TAX1BP1: variants seen among roughly 807,000 people sequenced by gnomAD.
TAX1BP1 encodes the protein tax1-binding protein 1.
Under a neutral mutation model 97.7 loss-of-function variants are expected in TAX1BP1, and 62 were observed. That is an observed-to-expected ratio of 0.63 (90% CI 0.52 to 0.78). TAX1BP1 has a LOEUF of 0.78. Among genes scored for constraint, TAX1BP1 ranks in the 30% least tolerant of loss-of-function variants. The pLI is 0.00. For missense variants in TAX1BP1, 867 were observed against 916.1 expected, an observed-to-expected ratio of 0.95 and a Z score of 0.69; for synonymous variants, 340 against 304.2, an observed-to-expected ratio of 1.12 and a Z score of -1.23.
intron 13 of TAX1BP1, among the ~76,000 whole-genome samples, chr7:27,813,556 G>GT (rs1790643655): frequency 6.6e-6 from 1 of 152,030 alleles, no homozygotes; most frequent in Non-Finnish European, 1.5e-5. Context: ...GGTTTGCCAT[G>GT]TTGCCCAGGC....
intron 4 of TAX1BP1, among the ~76,000 whole-genome samples, chr7:27,767,633 A>C (rs1788691736): frequency 6.6e-6 from 1 of 152,118 alleles, no homozygotes; most frequent in Non-Finnish European, 1.5e-5. Flanking sequence ...GATCTTAAGA[A>C]TGCAGTCAGT....
chr7:27,817,139 T>C, intron 15 of TAX1BP1, 101 bp downstream of exon 15: 1 of 1,360,928 alleles, frequency 7.3e-7, no homozygotes. Context: ...TGTGCGTGCA[T>C]GCGTGTGTGT....
intron 5 of TAX1BP1, among the ~76,000 whole-genome samples, chr7:27,774,534 T>C (rs1443092438): frequency 2.0e-5 from 3 of 152,110 alleles, no homozygotes; most frequent in Admixed American, 6.6e-5. Flanking sequence ...GTTTTGGGGC[T>C]TGTGGCATTC....
rs1791230874 is a variant in TAX1BP1, at chr7:27,827,662, T to C, written c.2086-76T>C. ...GTGTAATCTTCTTTTATACTGTCAG[T>C]ATGTGCTTGATTGAATTAAGGAATT... On this transcript the variant is annotated intron_variant, in intron 15 of 16. Coordinates refer to ENST00000396319, the MANE Select transcript of TAX1BP1 (RefSeq NM_006024.7). 2.6e-6 allele frequency: 3 copies of C among 1,156,236 alleles called. No homozygotes were observed. The East Asian group carries it at 7.1e-5, about 27-fold the overall frequency. 71.6% of individuals were successfully genotyped at this position (1,156,236 alleles called of 1,614,324 possible). A position where few individuals can be genotyped will look rare whatever the true frequency, so the allele number is the denominator to read the frequency against.
intron 3 of TAX1BP1, among the ~76,000 whole-genome samples, chr7:27,763,767 C>CAAAAAAAAAAAAAAAAAA (rs575118347): frequency 1.7e-5 from 2 of 118,772 alleles, no homozygotes; most frequent in Admixed American, 8.7e-5. Flanking sequence ...GACTCTGTCT[C>CAAAAAAAAAAAAAAAAAA]AAAAAAAAAA....
intron 2 of TAX1BP1, among the ~76,000 whole-genome samples, chr7:27,754,926 C>G (rs1449423872): frequency 6.6e-6 from 1 of 152,048 alleles, no homozygotes; most frequent in Non-Finnish European, 1.5e-5. Flanking sequence ...GCTGGCATAT[C>G]TCATGCCTTT....
At chr7:27,741,607 T>C (rs999581927) in intron 1 of TAX1BP1, among the ~76,000 whole-genome samples, 2 of 151,936 alleles carry the variant, frequency 1.3e-5, no homozygotes, top group Admixed American at 1.3e-4. Flanking sequence ...TTCAAGCGAT[T>C]CTCCTGCCTC....
chr7:27,790,527 G>A (rs1318067876), intron 8 of TAX1BP1, among the ~76,000 whole-genome samples: 1 of 151,198 alleles, frequency 6.6e-6, no homozygotes, highest in African/African-American at 2.4e-5. Flanking sequence ...TGTTTGTAAT[G>A]TCTGCACAGA....
intron 13 of TAX1BP1, among the ~76,000 whole-genome samples, chr7:27,800,336 A>T (rs1248575149): frequency 6.6e-6 from 1 of 152,224 alleles, no homozygotes; most frequent in East Asian, 1.9e-4. Flanking sequence ...TTAAAATTAC[A>T]TCTTTTAATT....
intron 5 of TAX1BP1, among the ~76,000 whole-genome samples, chr7:27,779,198 C>T (rs952955159): frequency 3.9e-5 from 6 of 151,952 alleles, no homozygotes; most frequent in Non-Finnish European, 5.9e-5. Context: ...ACTATGTTTC[C>T]CAGCTGGCCT....
intron 13 of TAX1BP1, among the ~76,000 whole-genome samples, chr7:27,811,966 G>A (rs866732556): frequency 2.0e-5 from 3 of 152,232 alleles, no homozygotes; most frequent in Admixed American, 6.5e-5. Flanking sequence ...ACATTCTTAC[G>A]TAAGTCTTTT....
intron 1 of TAX1BP1, among the ~76,000 whole-genome samples, chr7:27,740,653 G>A (rs1316824391): frequency 6.6e-6 from 1 of 152,174 alleles, no homozygotes; most frequent in Admixed American, 6.5e-5. Flanking sequence ...TAAACTCTGG[G>A]GTGACTGTTT....
chr7:27,745,436 A>AC (rs1787782037), intron 1 of TAX1BP1, among the ~76,000 whole-genome samples: 2 of 152,096 alleles, frequency 1.3e-5, no homozygotes, highest in South Asian at 4.1e-4. Context: ...AAATGGGTTG[A>AC]TAATGACATA....
chr7:27,761,457 C>G (rs1415147250), intron 3 of TAX1BP1, among the ~76,000 whole-genome samples: 2 of 152,080 alleles, frequency 1.3e-5, no homozygotes, highest in African/African-American at 4.8e-5. Flanking sequence ...AACTTCACTC[C>G]CCTAAAAGTC....
chr7:27,787,971 A>G (rs1180079642), intron 8 of TAX1BP1, among the ~76,000 whole-genome samples: 2 of 152,108 alleles, frequency 1.3e-5, no homozygotes. Flanking sequence ...TAGTTAGTTC[A>G]CAATCACATT....
chr7:27,815,589 GT>G (rs1489893934), intron 13 of TAX1BP1, among the ~76,000 whole-genome samples: 1 of 152,218 alleles, frequency 6.6e-6, no homozygotes, highest in East Asian at 1.9e-4. Flanking sequence ...AAGGTCTCTA[GT>G]TTTTTTGTGA....
intron 14 of TAX1BP1, 68 bp downstream of exon 14, chr7:27,816,588 G>A: frequency 7.5e-7 from 1 of 1,333,566 alleles, no homozygotes; most frequent in Non-Finnish European, 1.0e-6. Context: ...ATATTTTCAT[G>A]GATTAGCAAA....
Position 27,787,599 on chromosome 7 carries a change from G to A in TAX1BP1, c.1034G>A (p.Ser345Asn). ...LQRTFLLTTS[S>N]KEDTCFLKEQ... ...AGAACTTTCCTGCTTACAACCTCAAGTAAAGTAAGTACTTTTGCTATATAT... is the reference window on the plus strand; with the variant it reads ...AGAACTTTCCTGCTTACAACCTCAAATAAAGTAAGTACTTTTGCTATATAT... The change falls in exon 8 of 17, where the codon AGT becomes AAT. Residue 345 changes from serine (S) to asparagine (N), a missense_variant. By Grantham distance (46) the Ser-to-Asn change is conservative (BLOSUM62 1). Transcript: ENST00000396319. The A allele has an allele frequency of 1.2e-6, 2 of 1,604,370 alleles. No individual in the cohort carries two copies. The highest frequency in any genetic ancestry group is 1.7e-6 in the Non-Finnish European group (2 of 1,176,520).
Position 27,793,308 on chromosome 7 carries a change from AT to A in TAX1BP1, c.1410+98del, listed in dbSNP as rs372519548. The A allele has an allele frequency of 4.2e-4, 457 of 1,086,070 alleles. 1 individual carries two copies. The African/African-American group carries it at 6.9e-3, about 17-fold the overall frequency. 67.3% of individuals were successfully genotyped at this position (1,086,070 alleles called of 1,614,324 possible). A position where few individuals can be genotyped will look rare whatever the true frequency, so the allele number is the denominator to read the frequency against. On this transcript the variant is annotated intron_variant, in intron 10 of 16. Coordinates refer to ENST00000396319, the MANE Select transcript of TAX1BP1 (RefSeq NM_006024.7). ...TATTCCAAATATCAACCTTTTAAAT[AT>A]TATTTATCTCTGCTTGATTTCAAGT...
Sources: gnomAD v4.1 joint callset for allele counts (sites outside exome capture counted in the v4.1 genomes callset) on GRCh38, gnomAD v4.1.1 for gene constraint, MANE v1.5 for transcripts, NCBI Gene and HGNC (gene_info 2026-07-23, HGNC 2026-07-21) for gene names.